DNAH9: variants seen among roughly 807,000 people sequenced by gnomAD.
DNAH9 encodes dynein axonemal heavy chain 9, also known as DNAH9 variant protein.
In DNAH9, 345 loss-of-function variants were observed where a neutral mutation model predicts 471.6. That is an observed-to-expected ratio of 0.73 (90% CI 0.67 to 0.80). The LOEUF (loss-of-function observed/expected upper bound fraction) is 0.80, where lower values mean the gene tolerates loss of function less well. Among genes scored for constraint, DNAH9 ranks in the 30% least tolerant of loss-of-function variants. The pLI is 0.00. For synonymous variants in DNAH9, 2,093 were observed against 2,123.6 expected, an observed-to-expected ratio of 0.99 and a Z score of 0.40; for missense variants, 5,407 against 5,609.2, an observed-to-expected ratio of 0.96 and a Z score of 1.15.
rs1404986645 is a variant in DNAH9 at position 11,606,443 on chromosome 17, C to CTTTTTTTTTTTTTTTTTT, written c.418-1682_418-1681insTTTTTTTTTTTTTTTTTT. On this transcript the variant is annotated intron_variant, in intron 1 of 68. Coordinates refer to ENST00000262442, the MANE Select transcript of DNAH9 (RefSeq NM_001372.4). ...CTGACAACTTTCTTTCTTTTCTTTT[C>CTTTTTTTTTTTTTTTTTT]TTTTCTTTTCTTTTTTTTTTTTTTG... 1.7e-4 allele frequency among the ~76,000 whole-genome samples: 12 copies of CTTTTTTTTTTTTTTTTTT among 69,124 alleles called. 1 individual carries two copies. Among genetic ancestry groups the CTTTTTTTTTTTTTTTTTT allele is most frequent in the African/African-American group, 5.6e-4 (10 of 18,016 alleles). 45.3% of individuals were successfully genotyped at this position (69,124 alleles called of 152,430 possible). A position where few individuals can be genotyped will look rare whatever the true frequency, so the allele number is the denominator to read the frequency against.
intron 50 of DNAH9, among the ~76,000 whole-genome samples, chr17:11,864,787 T>G (rs1248135387): frequency 4.6e-5 from 7 of 151,906 alleles, no homozygotes; most frequent in African/African-American, 1.7e-4. Flanking sequence ...TGGCCTTCTT[T>G]GTCTCTTTTG....
At chr17:11,697,884 T>TCA in intron 22 of DNAH9, among the ~76,000 whole-genome samples, 1 of 151,870 alleles carries the variant, frequency 6.6e-6, no homozygotes, top group Non-Finnish European at 1.5e-5. Context: ...CTCTGCCAAC[T>TCA]CATCTTTCAC....
At chr17:11,888,809 G>A (rs192767779) in intron 57 of DNAH9, among the ~76,000 whole-genome samples, 67 of 152,284 alleles carry the variant, frequency 4.4e-4, no homozygotes, top group Non-Finnish European at 8.2e-4. Context: ...CTTGGCTTTT[G>A]TCTGGGGTTG....
intron 50 of DNAH9, among the ~76,000 whole-genome samples, chr17:11,855,942 T>G (rs1043349646): frequency 1.3e-5 from 2 of 152,130 alleles, no homozygotes; most frequent in African/African-American, 4.8e-5. Context: ...ACCTGCTTCA[T>G]GGGACTATTA....
At chr17:11,792,552 A>T (rs1969102324) in intron 41 of DNAH9, among the ~76,000 whole-genome samples, 1 of 152,232 alleles carries the variant, frequency 6.6e-6, no homozygotes, top group African/African-American at 2.4e-5. Context: ...GCTAATAGTA[A>T]CAGAAAAAGA....
Position 11,881,380 on chromosome 17 carries a change from C to T in DNAH9, c.10773C>T (p.Val3591=). The T allele has an allele frequency of 3.1e-6, 5 of 1,613,666 alleles. No individual in the cohort carries two copies. Among genetic ancestry groups the T allele is most frequent in the Non-Finnish European group, 4.2e-6 (5 of 1,179,984 alleles). The change falls in exon 55 of 69, where the codon GTC becomes GTT. Residue 3591 remains valine (V), a synonymous_variant. Coordinates refer to ENST00000262442, the MANE Select transcript of DNAH9 (RefSeq NM_001372.4). ...AGGACCAGTTGCTGGCCGCTGTGGTCAGCATGGAGAGGCCAGACTTGGAGC... is the reference window on the plus strand; with the variant it reads ...AGGACCAGTTGCTGGCCGCTGTGGTTAGCATGGAGAGGCCAGACTTGGAGC... ...GLEDQLLAAV[V]SMERPDLEQL...
intron 4 of DNAH9, chr17:11,612,316 T>A (rs900514278): frequency 4.8e-6 from 1 of 206,318 alleles, no homozygotes; most frequent in African/African-American, 2.3e-5. Context: ...GGACCCCTCA[T>A]TAACTAAGTG....
At chr17:11,927,808 C>G (rs1195424261) in intron 62 of DNAH9, among the ~76,000 whole-genome samples, 3 of 152,146 alleles carry the variant, frequency 2.0e-5, no homozygotes, top group African/African-American at 7.2e-5. Context: ...TGTGGGGCAG[C>G]CTCGAGGATC....
At position 11,832,566 on chromosome 17, in the gene DNAH9, G is replaced by A. The variant is rs78640386; in HGVS notation, c.9247-2072G>A. Among the ~76,000 whole-genome samples, 877 of 152,330 alleles carry A rather than the reference G, an allele frequency of 5.8e-3. 13 individuals are homozygous for A. The highest frequency in any genetic ancestry group is 0.02 in the African/African-American group (840 of 41,580). On this transcript the variant is annotated intron_variant, in intron 48 of 68. Transcript: ENST00000262442. ...GACAAGTTCTAGGGAGCAGGCCTCC[G>A]TTTGAGGTTAACACAAAGTCTCCCG...
intron 17 of DNAH9, among the ~76,000 whole-genome samples, chr17:11,675,257 AAATTG>A (rs1245339071): frequency 6.6e-6 from 1 of 152,142 alleles, no homozygotes; most frequent in East Asian, 1.9e-4. Context: ...TTTTCTGTAG[AAATTG>A]AATTGATTTT....
intron 67 of DNAH9, among the ~76,000 whole-genome samples, chr17:11,956,757 A>T (rs1046837651): frequency 4.1e-4 from 63 of 151,874 alleles, no homozygotes; most frequent in Non-Finnish European, 1.8e-4. Context: ...AATATATAAA[A>T]TTGGTAACAA....
At position 11,714,181 on chromosome 17, in the gene DNAH9, G is replaced by A. The variant is rs73290897; in HGVS notation, c.5553-5153G>A. ...AATTTCTATTAATGCGATTTCTCAC[G>A]TTGAGCTTGAAACCTATTGAAAGCT... On this transcript the variant is annotated intron_variant, in intron 26 of 68. Transcript: ENST00000262442. Among the ~76,000 whole-genome samples, 318 of 152,260 alleles carry A rather than the reference G, an allele frequency of 2.1e-3. 1 individual carries two copies. The highest frequency in any genetic ancestry group is 6.8e-3 in the African/African-American group (283 of 41,538).
intron 45 of DNAH9, among the ~76,000 whole-genome samples, chr17:11,811,693 T>C (rs112460231): frequency 0.15 from 22,881 of 152,052 alleles, 1,833 homozygotes; most frequent in Non-Finnish European, 0.15. Flanking sequence ...ACCTCGTCTC[T>C]ACCTAGGACG....
chr17:11,644,325 G>A (rs1351049161), intron 10 of DNAH9, among the ~76,000 whole-genome samples: 2 of 152,096 alleles, frequency 1.3e-5, no homozygotes, highest in Non-Finnish European at 2.9e-5. Context: ...CTTTTATTCA[G>A]ATTTTTGAAG....
rs552442923 is a variant in DNAH9 at position 11,763,080 on chromosome 17, A to T, written c.6996-360A>T. ...CGTTGAGGTGCTTTTTGACAATTGC[A>T]GAAAGTGTGAAATGAGCGAAAAAGT... is the stretch of plus-strand genomic sequence containing the variant. On this transcript the variant is annotated intron_variant, in intron 35 of 68. Coordinates refer to ENST00000262442, the MANE Select transcript of DNAH9 (RefSeq NM_001372.4). Among the ~76,000 whole-genome samples, 8 of 152,164 alleles carry T rather than the reference A, an allele frequency of 5.3e-5. No homozygotes were observed. The South Asian group carries it at 1.2e-3, about 24-fold the overall frequency.
chr17:11,648,712 A>G (rs934350612), intron 12 of DNAH9, among the ~76,000 whole-genome samples: 8 of 152,148 alleles, frequency 5.3e-5, no homozygotes, highest in African/African-American at 1.9e-4. Flanking sequence ...AGGGATAAAT[A>G]TTAATACCTA....
At chr17:11,936,332 C>T (rs1974711918) in intron 65 of DNAH9, among the ~76,000 whole-genome samples, 1 of 152,082 alleles carries the variant, frequency 6.6e-6, no homozygotes, top group Non-Finnish European at 1.5e-5. Context: ...CATGAAGAGG[C>T]GCTCAAAACA....
chr17:11,665,543 C>T (rs1213199762), intron 15 of DNAH9, among the ~76,000 whole-genome samples: 3 of 152,154 alleles, frequency 2.0e-5, no homozygotes, highest in East Asian at 1.9e-4. Context: ...TTTTAAAAAA[C>T]AATTAAAGGC....
chr17:11,713,566 G>A (rs945914034), intron 26 of DNAH9, among the ~76,000 whole-genome samples: 1 of 151,816 alleles, frequency 6.6e-6, no homozygotes, highest in African/African-American at 2.4e-5. Context: ...CAGGTTAATG[G>A]TGTCTTTTGA....
Sources: gnomAD v4.1 joint callset for allele counts (sites outside exome capture counted in the v4.1 genomes callset) on GRCh38, gnomAD v4.1.1 for gene constraint, MANE v1.5 for transcripts, NCBI Gene and HGNC (gene_info 2026-07-23, HGNC 2026-07-21) for gene names.